The following ARHGAP15 variants were observed in gnomAD, a reference collection of about 807,000 sequenced individuals.
ARHGAP15 encodes the protein Rho GTPase activating protein 15, also known as rho GTPase-activating protein 15.
A neutral mutation model predicts 63.7 loss-of-function variants in ARHGAP15; 51 were observed. That is an observed-to-expected ratio of 0.80 (90% CI 0.64 to 1.01). The LOEUF (loss-of-function observed/expected upper bound fraction) is 1.01, where lower values mean the gene tolerates loss of function less well. Ranked by LOEUF, ARHGAP15 falls within the 50% of genes least tolerant of loss-of-function variation. The probability of loss-of-function intolerance (pLI) is 0.00; values close to 1 mark genes in which losing one functional copy is unlikely to be tolerated. For missense variants in ARHGAP15, 560 were observed against 564.6 expected, an observed-to-expected ratio of 0.99 and a Z score of 0.08; for synonymous variants, 191 against 193.8, an observed-to-expected ratio of 0.99 and a Z score of 0.12.
chr2:143,321,814 G>A (rs1684037333), intron 6 of ARHGAP15, among the ~76,000 whole-genome samples: 1 of 152,054 alleles, frequency 6.6e-6, no homozygotes, highest in African/African-American at 2.4e-5. Flanking sequence ...TCCCACCTCA[G>A]CCTCAGAAGT....
At chr2:143,435,834 A>G in intron 7 of ARHGAP15, 135 bp downstream of exon 7, 1 of 906,820 alleles carries the variant, frequency 1.1e-6, no homozygotes, top group Non-Finnish European at 1.6e-6. Context: ...TTTAGTTTAA[A>G]TAGAATCTAC....
chr2:143,255,006 A>G (rs1309473231), intron 6 of ARHGAP15, among the ~76,000 whole-genome samples: 1 of 152,112 alleles, frequency 6.6e-6, no homozygotes, highest in Non-Finnish European at 1.5e-5. Context: ...AGCATTATTT[A>G]TTTAAGATAA....
chr2:143,238,089 A>C (rs1020088887), intron 5 of ARHGAP15: 1 of 152,110 alleles, frequency 6.6e-6, no homozygotes, highest in Non-Finnish European at 1.5e-5. Context: ...AACTATAAAA[A>C]CTCTAGAATG....
intron 8 of ARHGAP15, among the ~76,000 whole-genome samples, chr2:143,460,448 A>G (rs1214917106): frequency 2.0e-5 from 3 of 152,202 alleles, no homozygotes; most frequent in East Asian, 3.8e-4. Context: ...TGGAAAATAT[A>G]TATATATCTA....
chr2:143,627,561 C>T (rs1051753988), intron 12 of ARHGAP15, among the ~76,000 whole-genome samples: 5 of 152,074 alleles, frequency 3.3e-5, no homozygotes, highest in Non-Finnish European at 5.9e-5. Flanking sequence ...ATTTATACCC[C>T]GTCACAGGGC....
intron 6 of ARHGAP15, among the ~76,000 whole-genome samples, chr2:143,336,442 A>G (rs1298401898): frequency 6.6e-6 from 1 of 152,168 alleles, no homozygotes; most frequent in East Asian, 1.9e-4. Context: ...CAACTAGCAA[A>G]ATTGACGGAG....
chr2:143,634,710 CAA>C (rs1412788145), intron 12 of ARHGAP15, among the ~76,000 whole-genome samples: 1 of 152,110 alleles, frequency 6.6e-6, no homozygotes, highest in Non-Finnish European at 1.5e-5. Flanking sequence ...CACACAGCAC[CAA>C]ACATGTTTCA....
chr2:143,428,146 T>C (rs1689213334), intron 6 of ARHGAP15, among the ~76,000 whole-genome samples: 1 of 152,010 alleles, frequency 6.6e-6, no homozygotes, highest in African/African-American at 2.4e-5. Context: ...GGAATATCTA[T>C]TTCAAAGAAG....
At chr2:143,767,823 C>T (rs187848485) in intron 13 of ARHGAP15, among the ~76,000 whole-genome samples, 166 bp from the exon 14 acceptor site, 1 of 152,240 alleles carries the variant, frequency 6.6e-6, no homozygotes, top group East Asian at 1.9e-4. Flanking sequence ...TTCCCCAAAA[C>T]TCATAGGTTC....
At chr2:143,634,354 A>ACTAT (rs1262559037) in intron 12 of ARHGAP15, among the ~76,000 whole-genome samples, 1 of 152,116 alleles carries the variant, frequency 6.6e-6, no homozygotes, top group African/African-American at 2.4e-5. Context: ...TCCACCATTT[A>ACTAT]CTATCTAGAC....
At chr2:143,457,588 G>T (rs187271816) in intron 8 of ARHGAP15, among the ~76,000 whole-genome samples, 1 of 149,868 alleles carries the variant, frequency 6.7e-6, no homozygotes, top group African/African-American at 2.4e-5. Context: ...TTATATTGTT[G>T]ACTAATATAT....
intron 6 of ARHGAP15, among the ~76,000 whole-genome samples, chr2:143,408,166 A>G (rs1482823594): frequency 6.7e-6 from 1 of 149,344 alleles, no homozygotes; most frequent in Non-Finnish European, 1.5e-5. Flanking sequence ...ATTTCAAACT[A>G]TTTAATCTGA....
chr2:143,603,134 C>A (rs748202607), intron 11 of ARHGAP15, among the ~76,000 whole-genome samples: 1 of 152,136 alleles, frequency 6.6e-6, no homozygotes, highest in Non-Finnish European at 1.5e-5. Context: ...ATGGGACTCA[C>A]GTGGATGTAA....
chr2:143,760,190 T>C (rs1686712349), intron 13 of ARHGAP15, among the ~76,000 whole-genome samples: 1 of 152,182 alleles, frequency 6.6e-6, no homozygotes, highest in Non-Finnish European at 1.5e-5. Context: ...GTTCCCAGTG[T>C]TTATTATACT....
At chr2:143,444,473 T>C (rs547280893) in intron 8 of ARHGAP15, among the ~76,000 whole-genome samples, 4 of 152,344 alleles carry the variant, frequency 2.6e-5, no homozygotes, top group Non-Finnish European at 4.4e-5. Flanking sequence ...TTAAGGTGTT[T>C]GTACAGTGAA....
chr2:143,488,480 G>GTA (rs1201449371), intron 9 of ARHGAP15, among the ~76,000 whole-genome samples: 3 of 152,070 alleles, frequency 2.0e-5, no homozygotes, highest in Non-Finnish European at 4.4e-5. Context: ...ATTATTCTCT[G>GTA]TATTTTTCAA....
chr2:143,180,980 A>G (rs1482932198), intron 2 of ARHGAP15, among the ~76,000 whole-genome samples: 2 of 152,066 alleles, frequency 1.3e-5, no homozygotes, highest in Non-Finnish European at 2.9e-5. Flanking sequence ...CCTTAAATAT[A>G]TTTCTTAAAT....
chr2:143,513,559 T>C (rs1559020733), intron 9 of ARHGAP15, among the ~76,000 whole-genome samples: 1 of 152,202 alleles, frequency 6.6e-6, no homozygotes, highest in African/African-American at 2.4e-5. Flanking sequence ...TGCTTTTCAG[T>C]TTCACTCCTC....
At chr2:143,393,668 T>C (rs1230434094) in intron 6 of ARHGAP15, among the ~76,000 whole-genome samples, 2 of 148,076 alleles carry the variant, frequency 1.4e-5, no homozygotes, top group Admixed American at 1.4e-4. Flanking sequence ...AGGCAGAGTT[T>C]GCAGTGAGCC....
Sources: gnomAD v4.1 joint callset for allele counts (sites outside exome capture counted in the v4.1 genomes callset) on GRCh38, gnomAD v4.1.1 for gene constraint, MANE v1.5 for transcripts, NCBI Gene and HGNC (gene_info 2026-07-23, HGNC 2026-07-21) for gene names.